TBC1D22A: variants seen among roughly 807,000 people sequenced by gnomAD.
The protein encoded by TBC1D22A is TBC1 domain family member 22A.
TBC1D22A carries 38 observed loss-of-function variants against 60.2 expected under a neutral mutation model. The observed-to-expected ratio is 0.63, with a 90% CI of 0.49 to 0.83. The LOEUF (loss-of-function observed/expected upper bound fraction) is 0.83. Among genes scored for constraint, TBC1D22A ranks in the 40% least tolerant of loss-of-function variants. TBC1D22A has a pLI of 0.00. For missense variants in TBC1D22A, 628 were observed against 701.0 expected, an observed-to-expected ratio of 0.90 and a Z score of 1.18; for synonymous variants, 302 against 281.7, an observed-to-expected ratio of 1.07 and a Z score of -0.72.
chr22:47,066,797 C>G (rs1882104958), intron 11 of TBC1D22A, among the ~76,000 whole-genome samples: 1 of 152,168 alleles, frequency 6.6e-6, no homozygotes, highest in Non-Finnish European at 1.5e-5. Context: ...TGTACCTCTG[C>G]TCTCCTCCCT....
chr22:47,159,823 C>CCCACACACGCACCACACT (rs1569478218), intron 12 of TBC1D22A, among the ~76,000 whole-genome samples: 1 of 151,548 alleles, frequency 6.6e-6, no homozygotes, highest in African/African-American at 2.4e-5. Context: ...GCACACAACC[C>CCCACACACGCACCACACT]CCACACACGC....
intron 5 of TBC1D22A, among the ~76,000 whole-genome samples, chr22:46,883,488 T>C (rs1162578345): frequency 6.6e-6 from 1 of 152,180 alleles, no homozygotes; most frequent in Non-Finnish European, 1.5e-5. Flanking sequence ...GGGATGGGAG[T>C]GTCAGGAGCA....
At chr22:46,885,878 G>A (rs1224693632) in intron 5 of TBC1D22A, among the ~76,000 whole-genome samples, 1 of 151,936 alleles carries the variant, frequency 6.6e-6, no homozygotes, top group African/African-American at 2.4e-5. Context: ...TGCACACTCG[G>A]GGCTGGTTAT....
intron 5 of TBC1D22A, among the ~76,000 whole-genome samples, chr22:46,887,616 A>G (rs970627933): frequency 1.4e-4 from 22 of 152,210 alleles, no homozygotes; most frequent in Admixed American, 4.6e-4. Context: ...ACATGAATTA[A>G]TTTTCAAGTG....
chr22:46,851,124 A>T (rs955138795), intron 4 of TBC1D22A, among the ~76,000 whole-genome samples: 34 of 152,176 alleles, frequency 2.2e-4, no homozygotes, highest in African/African-American at 8.2e-4. Context: ...CACATGTTAA[A>T]TTTGATGGTA....
chr22:46,925,988 T>G (rs1414425712), intron 8 of TBC1D22A, among the ~76,000 whole-genome samples: 1 of 152,204 alleles, frequency 6.6e-6, no homozygotes, highest in Non-Finnish European at 1.5e-5. Flanking sequence ...ACAGTGGCAT[T>G]AAGTTAGAAG....
chr22:47,173,421 C>T, intron 12 of TBC1D22A, 77 bp from the exon 13 acceptor site: 1 of 1,574,928 alleles, frequency 6.3e-7, no homozygotes, highest in East Asian at 2.3e-5. Flanking sequence ...TTGTATCTTT[C>T]CCTCCAGTTT....
chr22:46,908,415 C>T (rs550263175), intron 7 of TBC1D22A, among the ~76,000 whole-genome samples: 8 of 152,262 alleles, frequency 5.3e-5, no homozygotes, highest in Non-Finnish European at 8.8e-5. Context: ...CACGCCTCCA[C>T]GGGACACCCA....
intron 8 of TBC1D22A, among the ~76,000 whole-genome samples, chr22:46,925,755 T>C (rs1269417665): frequency 6.6e-6 from 1 of 152,168 alleles, no homozygotes; most frequent in East Asian, 1.9e-4. Flanking sequence ...CAATAATGGC[T>C]AGAAAAATGA....
chr22:47,098,791 C>T (rs945912182), intron 11 of TBC1D22A, among the ~76,000 whole-genome samples: 131 of 152,326 alleles, frequency 8.6e-4, no homozygotes, highest in African/African-American at 3.0e-3. Flanking sequence ...TGGGCTGAGA[C>T]GGGGACACCA....
At chr22:47,039,990 G>C (rs1761822273) in intron 11 of TBC1D22A, among the ~76,000 whole-genome samples, 1 of 138,350 alleles carries the variant, frequency 7.2e-6, no homozygotes, top group African/African-American at 2.8e-5. Context: ...TGTTGTCCAG[G>C]CTGGAGTGCA....
At chr22:47,153,169 G>A (rs1463977252) in intron 12 of TBC1D22A, among the ~76,000 whole-genome samples, 1 of 152,158 alleles carries the variant, frequency 6.6e-6, no homozygotes, top group African/African-American at 2.4e-5. Flanking sequence ...CAGCCTGGCA[G>A]CAGGAGGATA....
chr22:46,830,220 A>T (rs139597), intron 4 of TBC1D22A, among the ~76,000 whole-genome samples: 1 of 152,032 alleles, frequency 6.6e-6, no homozygotes, highest in Admixed American at 6.5e-5. Flanking sequence ...GCAGGCTGGC[A>T]TGGTGGATGG....
intron 9 of TBC1D22A, among the ~76,000 whole-genome samples, chr22:46,982,855 G>T (rs1569302487): frequency 6.6e-6 from 1 of 152,236 alleles, no homozygotes; most frequent in Non-Finnish European, 1.5e-5. Flanking sequence ...CAAGTGCCCA[G>T]TGTGGAGCGG....
At chr22:47,157,250 G>A (rs2067759916) in intron 12 of TBC1D22A, among the ~76,000 whole-genome samples, 1 of 152,222 alleles carries the variant, frequency 6.6e-6, no homozygotes, top group South Asian at 2.1e-4. Context: ...CTCCCACCTG[G>A]AGAGAGAAAC....
rs114806693 is a variant in TBC1D22A at position 46,986,883 on chromosome 22, C to T, written c.1126-10751C>T. On this transcript the variant is annotated intron_variant, in intron 9 of 12. Transcript: ENST00000337137. ...ATGGTGTGGACGGCTGATTTGCGCACCATGATGTCTGGAATCTCAGGTGGT... is the reference window on the plus strand; with the variant it reads ...ATGGTGTGGACGGCTGATTTGCGCATCATGATGTCTGGAATCTCAGGTGGT... Among the ~76,000 whole-genome samples, 798 of 152,288 alleles carry T rather than the reference C, an allele frequency of 5.2e-3. 8 individuals are homozygous for T. Among genetic ancestry groups the T allele is most frequent in the African/African-American group, 0.018 (752 of 41,558 alleles).
chr22:46,954,563 C>T (rs1039291356), intron 8 of TBC1D22A, among the ~76,000 whole-genome samples: 3 of 152,160 alleles, frequency 2.0e-5, no homozygotes, highest in African/African-American at 4.8e-5. Flanking sequence ...GCCCTCATGA[C>T]GTCACTATGT....
At chr22:46,902,212 G>T (rs1212014723) in intron 7 of TBC1D22A, among the ~76,000 whole-genome samples, 1 of 152,212 alleles carries the variant, frequency 6.6e-6, no homozygotes, top group Non-Finnish European at 1.5e-5. Context: ...ATGTTCTGGC[G>T]TTCAGATTTC....
intron 12 of TBC1D22A, among the ~76,000 whole-genome samples, chr22:47,118,006 C>A (rs1168461762): frequency 6.6e-6 from 1 of 151,820 alleles, no homozygotes; most frequent in African/African-American, 2.4e-5. Context: ...GCCTATAATC[C>A]CAGCTACTGG....
Sources: allele counts gnomAD v4.1 joint callset (sites outside exome capture counted in the v4.1 genomes callset), GRCh38; gene constraint gnomAD v4.1.1; transcripts MANE v1.5; gene names NCBI Gene and HGNC (gene_info 2026-07-23, HGNC 2026-07-21).